MAP4K2: variants seen among roughly 807,000 people sequenced by gnomAD.
MAP4K2 encodes mitogen-activated protein kinase kinase kinase kinase 2.
MAP4K2 carries 85 observed loss-of-function variants against 125.3 expected under a neutral mutation model. The observed-to-expected ratio is 0.68, with a 90% CI of 0.57 to 0.81. MAP4K2 has a LOEUF of 0.81. MAP4K2 is among the 40% of genes least tolerant of loss of function. MAP4K2 has a pLI of 0.00. For synonymous variants in MAP4K2, 479 were observed against 445.1 expected (o/e 1.08, Z -0.96); for missense variants, 923 against 1,056.4 (o/e 0.87, Z 1.75).
chr11:64,800,352 T>G lies in MAP4K2; in HGVS notation c.766A>C (p.Lys256Gln). ...GCTGTCGGCCTCTTCTTAGGATTCT[T>G]GGTCAGGGCCAGTTTGAGAAAGTGG... ...FHHFLKLALT[K>Q]NPKKRPTAEK... is the part of the protein sequence containing the mutation. Residue 256 changes from lysine to glutamine, a missense_variant, in exon 11 of 32, where the codon AAG (lysine) becomes CAG (glutamine). Physicochemically the swap from Lys to Gln is moderately conservative, Grantham distance 53. Coordinates refer to ENST00000294066, the MANE Select transcript of MAP4K2 (RefSeq NM_004579.5). 6.2e-7 allele frequency: 1 copy of G among 1,614,124 alleles called. No individual in the cohort carries two copies. The highest frequency in any genetic ancestry group is 8.5e-7 in the Non-Finnish European group (1 of 1,180,022).
chr11:64,802,344 G>C, intron 4 of MAP4K2, 75 bp downstream of exon 4: 5 of 1,425,868 alleles, frequency 3.5e-6, no homozygotes, highest in Non-Finnish European at 4.8e-6. Context: ...AGGGCCCAGA[G>C]TCCCCTCTGG....
chr11:64,797,188 G>T lies in MAP4K2; in HGVS notation c.1281C>A (p.Thr427=). The change falls in exon 19 of 32, where the codon ACC becomes ACA. Residue 427 remains threonine, a synonymous_variant. Transcript: ENST00000294066. ...AEEPLSSPPG[T]LPPPPSGPNS... ...TGGGGCCTGAAGGAGGTGGGGGCAG[G>T]GTTCCTGCAGGCACAGGCGTGCTGT... The T allele has an allele frequency of 3.7e-6, 6 of 1,613,426 alleles. No individual in the cohort carries two copies. The highest frequency in any genetic ancestry group is 5.1e-6 in the Non-Finnish European group (6 of 1,179,726).
At chr11:64,790,360 C>T in intron 28 of MAP4K2, 34 bp downstream of exon 28, 1 of 1,613,622 alleles carries the variant, frequency 6.2e-7, no homozygotes, top group Non-Finnish European at 8.5e-7. Flanking sequence ...CCTCCATAGT[C>T]CCCTGCCCTA....
chr11:64,789,523 C>T lies in MAP4K2; in HGVS notation c.*14G>A, dbSNP rs1463703502. 6.4e-7 allele frequency: 1 copy of T among 1,564,936 alleles called. No homozygotes were observed. The highest frequency in any genetic ancestry group is 8.7e-7 in the Non-Finnish European group (1 of 1,154,162). ...TGGGGTGGGGCGGGGAGCCCCTGGA[C>T]AGGCCCGCTGCTCTTAGTAGGTGCT... On this transcript the variant is annotated 3_prime_UTR_variant, in exon 32 of 32. Transcript: ENST00000294066.
At position 64,792,020 on chromosome 11, in the gene MAP4K2, G is replaced by A. The variant is rs770783222; in HGVS notation, c.1981C>T (p.Leu661=). 1.5e-5 allele frequency: 24 copies of A among 1,597,708 alleles called. No homozygotes were observed. Among genetic ancestry groups the A allele is most frequent in the Non-Finnish European group, 2.0e-5 (24 of 1,172,898 alleles). Residue 661 remains leucine (L), a synonymous_variant, in exon 27 of 32, where the codon CTG becomes TTG. Transcript: ENST00000294066. Reference sequence around the variant, plus strand: ...TCGGCCCCAACACACACCTGCGGCAGCTCCTTCCCATCCAGCACCAGCGGC... The same window carrying A: ...TCGGCCCCAACACACACCTGCGGCAACTCCTTCCCATCCAGCACCAGCGGC... The part of the protein sequence containing the change: ...LEPLVLDGKE[L]PQVCVGAEGP...
In MAP4K2 at chr11:64,789,215, T is replaced by C. The variant is rs929654648; in HGVS notation, c.*322A>G. 4.4e-5 allele frequency: 18 copies of C among 409,038 alleles called. No homozygotes were observed. The highest frequency in any genetic ancestry group is 2.0e-4 in the African/African-American group (10 of 49,574). The allele number at this position is 409,038 out of a possible 1,614,324, so 25.3% of individuals were successfully genotyped here. The stretch of plus-strand genomic sequence containing the variant: ...CCAGGACAAATGCAGGGGCAGGCTC[T>C]TGGCAGAAAGAGTAGAAAGGAAATG... On this transcript the variant is annotated 3_prime_UTR_variant, in exon 32 of 32. Coordinates refer to ENST00000294066, the MANE Select transcript of MAP4K2 (RefSeq NM_004579.5).
intron 27 of MAP4K2, among the ~76,000 whole-genome samples, chr11:64,791,538 C>A (rs1427633164): frequency 6.6e-6 from 1 of 152,128 alleles, no homozygotes; most frequent in Non-Finnish European, 1.5e-5. Context: ...ATCAACATGC[C>A]CAGCTAATTT....
At chr11:64,790,637 G>C (rs1229605645) in intron 27 of MAP4K2, among the ~76,000 whole-genome samples, 175 bp from the exon 28 acceptor site, 1 of 152,222 alleles carries the variant, frequency 6.6e-6, no homozygotes, top group African/African-American at 2.4e-5. Flanking sequence ...GAGGCTCTGA[G>C]AGGATGAGTG....
At chr11:64,802,187 T>A in intron 4 of MAP4K2, 66 bp from the exon 5 acceptor site, 1 of 1,453,500 alleles carries the variant, frequency 6.9e-7, no homozygotes, top group Non-Finnish European at 9.6e-7. Context: ...CAGGCTACCG[T>A]GTGTGGGAAA....
Position 64,800,763 on chromosome 11 carries a change from C to T in MAP4K2, c.725+1G>A. On this transcript the variant is annotated splice_donor_variant, in intron 10 of 31. Transcript: ENST00000294066. LOFTEE classifies it high-confidence loss of function. Reference sequence around the variant, plus strand: ...TCCCGGCAGCAGGGTGTGGCCCTTACCAGCGAGTCTTATCTCTCAGTTTGG... The same window carrying T: ...TCCCGGCAGCAGGGTGTGGCCCTTATCAGCGAGTCTTATCTCTCAGTTTGG... 1 of 1,602,270 alleles carries T rather than the reference C, an allele frequency of 6.2e-7. No individual in the cohort carries two copies. Among genetic ancestry groups the T allele is most frequent in the Non-Finnish European group, 8.5e-7 (1 of 1,174,464 alleles).
chr11:64,801,749 G>A lies in MAP4K2; in HGVS notation c.375C>T (p.His125=), dbSNP rs912217042. 2 of 1,613,426 alleles carry A rather than the reference G, an allele frequency of 1.2e-6. No homozygotes were observed. Among genetic ancestry groups the A allele is most frequent in the Middle Eastern group, 1.7e-4 (1 of 6,060 alleles). ...YVCREALKGL[H]HLHSQGKIHR... is the part of the protein sequence containing the mutation. The stretch of plus-strand genomic sequence containing the variant: ...GGATCTTCCCCTGAGAATGCAGGTG[G>A]TGGAGCCCCTGGCGACAAAGAGGAG... The change falls in exon 6 of 32, where the codon CAC becomes CAT. Residue 125 remains histidine, a synonymous_variant. Coordinates refer to ENST00000294066, the MANE Select transcript of MAP4K2 (RefSeq NM_004579.5).
At position 64,797,300 on chromosome 11, in the gene MAP4K2, T is replaced by C. The variant is rs1387762894; in HGVS notation, c.1251A>G (p.Ala417=). 6.2e-7 allele frequency: 1 copy of C among 1,601,984 alleles called. No individual in the cohort carries two copies. Among genetic ancestry groups the C allele is most frequent in the Non-Finnish European group, 8.5e-7 (1 of 1,174,538 alleles). Reference sequence around the variant, plus strand: ...CTGGGGGACTGGACAGAGGCTCCTCTGCTGGAGGGTCAGTGGGGAGTGGCC... The same window carrying C: ...CTGGGGGACTGGACAGAGGCTCCTCCGCTGGAGGGTCAGTGGGGAGTGGCC... ...FLGPLPTDPP[A]EEPLSSPPGT... is the part of the protein sequence containing the mutation. The change falls in exon 18 of 32, where the codon GCA becomes GCG. Residue 417 remains alanine, a synonymous_variant. Transcript: ENST00000294066.
chr11:64,796,275 G>A lies in MAP4K2; in HGVS notation c.1749C>T (p.Pro583=), dbSNP rs759631015. The stretch of plus-strand genomic sequence containing the variant: ...CCTGCACGCCCAAGATCCCTGACCT[G>A]GGGATGATGCGCTGGGTGAGGCGGT... ...PTNRLTQRII[P]RRFALSTKIP... is the part of the protein sequence containing the mutation. Residue 583 remains proline, a splice_region_variant and synonymous_variant, in exon 24 of 32, where the codon CCC becomes CCT. Coordinates refer to ENST00000294066, the MANE Select transcript of MAP4K2 (RefSeq NM_004579.5). The A allele has an allele frequency of 6.5e-7, 1 of 1,528,652 alleles. No individual in the cohort carries two copies. Among genetic ancestry groups the A allele is most frequent in the Non-Finnish European group, 8.8e-7 (1 of 1,138,980 alleles). 94.7% of individuals were successfully genotyped at this position (1,528,652 alleles called of 1,614,324 possible). A position where few individuals can be genotyped will look rare whatever the true frequency, so the allele number is the denominator to read the frequency against.
At chr11:64,802,985 G>C in intron 1 of MAP4K2, 43 bp from the exon 2 acceptor site, 1 of 1,561,596 alleles carries the variant, frequency 6.4e-7, no homozygotes, top group Non-Finnish European at 8.7e-7. Context: ...GCGGGGCCGG[G>C]GGCTAGATCC....
Position 64,800,399 on chromosome 11 carries a change from G to C in MAP4K2, c.726-7C>G, listed in dbSNP as rs983966512. On this transcript the variant is annotated splice_region_variant and splice_polypyrimidine_tract_variant and intron_variant, in intron 10 of 31. Transcript: ENST00000294066. ...GTGGTGGAAATTCTGGGTCCTAGAA[G>C]GCACAAGAGCCCCCCAGCGCCAGAT... The C allele has an allele frequency of 6.2e-7, 1 of 1,613,764 alleles. No individual in the cohort carries two copies. Among genetic ancestry groups the C allele is most frequent in the East Asian group, 2.2e-5 (1 of 44,902 alleles).
intron 24 of MAP4K2, among the ~76,000 whole-genome samples, chr11:64,792,913 C>G (rs1479934747): frequency 6.6e-6 from 1 of 152,030 alleles, no homozygotes; most frequent in Admixed American, 6.5e-5. Flanking sequence ...CAGGTAAAGG[C>G]AGGGTATAAA....
intron 15 of MAP4K2, 27 bp from the exon 16 acceptor site, chr11:64,797,691 G>C: frequency 2.0e-6 from 3 of 1,469,350 alleles, no homozygotes; most frequent in Non-Finnish European, 1.8e-6. Flanking sequence ...AGGGGTCAGA[G>C]GTCAACCTTT....
chr11:64,800,414 C>G lies in MAP4K2; in HGVS notation c.726-22G>C. ...GGTCCTAGAAGGCACAAGAGCCCCCCAGCGCCAGATCCAGGTTAGCCCTCG... is the reference window on the plus strand; with the variant it reads ...GGTCCTAGAAGGCACAAGAGCCCCCGAGCGCCAGATCCAGGTTAGCCCTCG... On this transcript the variant is annotated intron_variant, in intron 10 of 31. Transcript: ENST00000294066. The G allele has an allele frequency of 1.9e-6, 3 of 1,612,580 alleles. No individual in the cohort carries two copies. In the South Asian group the frequency reaches 3.3e-5, roughly 18 times the overall value.
At chr11:64,798,069 C>T (rs1012007697) in intron 15 of MAP4K2, among the ~76,000 whole-genome samples, 20 of 150,558 alleles carry the variant, frequency 1.3e-4, no homozygotes, top group African/African-American at 3.7e-4. Flanking sequence ...GGCAAGATAT[C>T]GGCTCACTGC....
Sources: gnomAD v4.1 joint callset for allele counts (sites outside exome capture counted in the v4.1 genomes callset) on GRCh38, gnomAD v4.1.1 for gene constraint, MANE v1.5 for transcripts, NCBI Gene and HGNC (gene_info 2026-07-23, HGNC 2026-07-21) for gene names.